Variants in SCML2 observed in about 807,000 individuals in gnomAD.
SCML2 encodes the protein Scm polycomb group protein like 2.
A neutral mutation model predicts 48.4 loss-of-function variants in SCML2; 6 were observed. The observed-to-expected ratio is 0.12, with a 90% CI of 0.07 to 0.24. SCML2 has a LOEUF of 0.24. Among genes scored for constraint, SCML2 ranks in the 10% least tolerant of loss-of-function variants. The pLI is 1.00. For missense variants in SCML2, 377 were observed against 528.2 expected (o/e 0.71, Z 2.81); for synonymous variants, 181 against 189.5 (o/e 0.95, Z 0.37).
At chrX:18,250,474 C>T (rs1442152292) in intron 11 of SCML2, among the ~76,000 whole-genome samples, 3 of 109,657 alleles carry the variant, frequency 2.7e-5, no homozygotes, top group Admixed American at 9.7e-5. Flanking sequence ...CTCTGCCTCC[C>T]GGGTTCATGC....
chrX:18,319,380 A>C (rs999554563), intron 6 of SCML2, among the ~76,000 whole-genome samples: 5 of 110,438 alleles, frequency 4.5e-5, no homozygotes, highest in South Asian at 3.9e-4. Flanking sequence ...GTCTCAAAAA[A>C]AAAGAAAAAG....
At chrX:18,313,361 T>C (rs899902674) in intron 6 of SCML2, among the ~76,000 whole-genome samples, 4 of 110,565 alleles carry the variant, frequency 3.6e-5, no homozygotes, top group Non-Finnish European at 7.6e-5. Flanking sequence ...ATCTGATGAG[T>C]TTATCAGGGG....
intron 3 of SCML2, 106 bp from the exon 4 acceptor site, chrX:18,325,083 A>G (rs1344611342): frequency 1.0e-5 from 4 of 395,797 alleles, no homozygotes; most frequent in African/African-American, 7.8e-5. Context: ...ATGCCTCTTA[A>G]AAGAAAAAAA....
chrX:18,305,825 T>A (rs1388589997), intron 6 of SCML2, among the ~76,000 whole-genome samples: 1 of 110,494 alleles, frequency 9.1e-6, no homozygotes, highest in Admixed American at 9.6e-5. Context: ...TCATATAGTA[T>A]GGGGTCATTT....
At chrX:18,289,017 C>G (rs1158855415) in intron 7 of SCML2, among the ~76,000 whole-genome samples, 1 of 111,678 alleles carries the variant, frequency 9.0e-6, no homozygotes, top group Non-Finnish European at 1.9e-5. Flanking sequence ...TCACTCCTGC[C>G]TTCAGAAGAA....
At chrX:18,318,946 G>A (rs1929218778) in intron 6 of SCML2, among the ~76,000 whole-genome samples, 1 of 111,924 alleles carries the variant, frequency 8.9e-6, no homozygotes. Flanking sequence ...TCTTCAAAGA[G>A]GTAATTAAGT....
At chrX:18,273,120 A>G (rs1481194708) in intron 7 of SCML2, among the ~76,000 whole-genome samples, 1 of 110,553 alleles carries the variant, frequency 9.0e-6, no homozygotes, top group Non-Finnish European at 1.9e-5. Context: ...TCACATAGCA[A>G]CTCTTTCCTG....
chrX:18,316,653 T>C (rs975934697), intron 6 of SCML2, among the ~76,000 whole-genome samples: 4 of 110,849 alleles, frequency 3.6e-5, no homozygotes, highest in African/African-American at 1.3e-4. Context: ...AGAACAGGGG[T>C]CCCCAACCCC....
rs1927514224 is a variant in SCML2 at position 18,273,113 on chromosome X, C to A, written c.731-7311G>T. The stretch of plus-strand genomic sequence containing the variant: ...TCTTTTCAAAATTCTTTAAGTCTCA[C>A]ATAGCAACTCTTTCCTGAGTTCCCT... On this transcript the variant is annotated intron_variant, in intron 7 of 14. Coordinates refer to ENST00000251900, the MANE Select transcript of SCML2 (RefSeq NM_006089.3). Among the ~76,000 whole-genome samples, 2 of 111,447 alleles carry A rather than the reference C, an allele frequency of 1.8e-5. 1 individual carries two copies.
chrX:18,349,350 A>G (rs1420494997), intron 1 of SCML2, among the ~76,000 whole-genome samples: 1 of 112,616 alleles, frequency 8.9e-6, no homozygotes, highest in Non-Finnish European at 1.9e-5. Context: ...AGCTTATTCT[A>G]TAAGTTTTAA....
chrX:18,336,632 G>T (rs1929826712), intron 1 of SCML2, among the ~76,000 whole-genome samples: 3 of 109,669 alleles, frequency 2.7e-5, no homozygotes, highest in African/African-American at 1.0e-4. Flanking sequence ...AGCTACTCTG[G>T]AGGCTGAGGC....
At chrX:18,262,700 C>T (rs1315174451) in intron 8 of SCML2, among the ~76,000 whole-genome samples, 2 of 106,718 alleles carry the variant, frequency 1.9e-5, no homozygotes, top group Non-Finnish European at 3.8e-5. Context: ...TTCTGTTCCT[C>T]CTTTTCCTTT....
chrX:18,331,972 A>G (rs1353750261), intron 2 of SCML2, among the ~76,000 whole-genome samples: 1 of 112,201 alleles, frequency 8.9e-6, no homozygotes, highest in African/African-American at 3.2e-5. Flanking sequence ...GGATAAGATG[A>G]CTTCATAGGT....
At chrX:18,331,047 G>T (rs1453383307) in intron 2 of SCML2, among the ~76,000 whole-genome samples, 2 of 109,300 alleles carry the variant, frequency 1.8e-5, no homozygotes, top group Admixed American at 9.9e-5. Flanking sequence ...ATCACATGAG[G>T]TCACGAGTTT....
chrX:18,283,405 C>A (rs1287344898), intron 7 of SCML2, among the ~76,000 whole-genome samples: 2 of 111,891 alleles, frequency 1.8e-5, no homozygotes, highest in Admixed American at 9.5e-5. Context: ...AGGATGCCCA[C>A]TCTCACCACT....
intron 5 of SCML2, among the ~76,000 whole-genome samples, chrX:18,323,512 G>C (rs1929384954): frequency 9.0e-6 from 1 of 111,527 alleles, no homozygotes; most frequent in African/African-American, 3.3e-5. Context: ...TATTGAGAGA[G>C]CATGTGCCTT....
intron 1 of SCML2, among the ~76,000 whole-genome samples, chrX:18,345,290 A>G (rs1930162332): frequency 8.9e-6 from 1 of 111,983 alleles, no homozygotes; most frequent in African/African-American, 3.2e-5. Flanking sequence ...CACAGTGTCT[A>G]TCACATACTA....
At chrX:18,270,433 A>G (rs185103931) in intron 7 of SCML2, among the ~76,000 whole-genome samples, 3 of 110,810 alleles carry the variant, frequency 2.7e-5, no homozygotes, top group Admixed American at 1.9e-4. Flanking sequence ...ACAAGGTTTC[A>G]CTCTGTCGTC....
At chrX:18,318,614 A>C (rs772739354) in intron 6 of SCML2, among the ~76,000 whole-genome samples, 1 of 112,344 alleles carries the variant, frequency 8.9e-6, no homozygotes, top group South Asian at 3.7e-4. Context: ...TCTGAAACCA[A>C]ATCTCTCCAA....
Sources: gnomAD v4.1 joint callset for allele counts (sites outside exome capture counted in the v4.1 genomes callset) on GRCh38, gnomAD v4.1.1 for gene constraint, MANE v1.5 for transcripts, NCBI Gene and HGNC (gene_info 2026-07-23, HGNC 2026-07-21) for gene names.